The following LRRC40 variants were observed in gnomAD, a reference collection of about 807,000 sequenced individuals.
LRRC40 encodes the protein leucine-rich repeat-containing protein 40.
LRRC40 carries 76 observed loss-of-function variants against 72.8 expected under a neutral mutation model. The ratio of observed to expected loss-of-function variants is 1.04; its 90% CI spans 0.87 to 1.26. The LOEUF (loss-of-function observed/expected upper bound fraction) is 1.26, where lower values mean the gene tolerates loss of function less well. Among genes scored for constraint, LRRC40 ranks in the 50% most tolerant of loss-of-function variants. The pLI is 0.00. For missense variants in LRRC40, 684 were observed against 698.9 expected (o/e 0.98, Z 0.24); for synonymous variants, 243 against 254.2 (o/e 0.96, Z 0.42).
chr1:70,148,530 G>A lies in LRRC40; in HGVS notation c.1660C>T (p.Leu554Phe), dbSNP rs1379103284. ...CCGAGCTCTGGTGGAATTTGTAAGA[G>A]GTCATTATTTTGAAGGTCCAACGTG... ...LTTLDLQNNDLLQIPPELGNC... is the reference protein window; with the variant it reads ...LTTLDLQNNDFLQIPPELGNC... The change falls in exon 14 of 15, where the codon CTC becomes TTC. Residue 554 changes from leucine (L) to phenylalanine (F), a missense_variant. Leu to Phe is a conservative substitution (Grantham distance 22). Coordinates refer to ENST00000370952, the MANE Select transcript of LRRC40 (RefSeq NM_017768.5). The A allele has an allele frequency of 3.1e-6, 5 of 1,613,012 alleles. No individual in the cohort carries two copies. Among genetic ancestry groups the A allele is most frequent in the African/African-American group, 2.7e-5 (2 of 74,880 alleles).
chr1:70,168,780 C>T (rs35522955), intron 9 of LRRC40, among the ~76,000 whole-genome samples: 26,047 of 151,998 alleles, frequency 0.17, 2,473 homozygotes, highest in East Asian at 0.37. Flanking sequence ...GTCAGGGGCA[C>T]ATTATAATGG....
At chr1:70,151,733 A>G (rs482094) in intron 12 of LRRC40, 3 of 146,688 alleles carry the variant, frequency 2.0e-5, no homozygotes, top group Non-Finnish European at 4.5e-5. Context: ...CACAATGACT[A>G]TTTTTTTTTT....
Position 70,144,852 on chromosome 1 carries a change from C to CTT in LRRC40, c.*946_*947dup, listed in dbSNP as rs1471109552. On this transcript the variant is annotated 3_prime_UTR_variant, in exon 15 of 15. Coordinates refer to ENST00000370952, the MANE Select transcript of LRRC40 (RefSeq NM_017768.5). ...TTTATTCTGAACATGTAGTATTTAT[C>CTT]TTTATTAGCAATTTTTTTCATAATA... The CTT allele has an allele frequency of 6.6e-6, 1 of 152,058 alleles. No homozygotes were observed. Among genetic ancestry groups the CTT allele is most frequent in the Non-Finnish European group, 1.5e-5 (1 of 67,990 alleles). The allele number at this position is 152,058 out of a possible 1,614,324, so 9.4% of individuals were successfully genotyped here.
At chr1:70,196,095 G>A (rs1466377085) in intron 1 of LRRC40, among the ~76,000 whole-genome samples, 3 of 149,468 alleles carry the variant, frequency 2.0e-5, no homozygotes, top group Admixed American at 6.7e-5. Flanking sequence ...TAAGACCTAC[G>A]AAATGTTTCT....
At chr1:70,167,230 TAA>T (rs376215808) in intron 9 of LRRC40, among the ~76,000 whole-genome samples, 20 of 126,880 alleles carry the variant, frequency 1.6e-4, no homozygotes, top group Non-Finnish European at 1.6e-4. Flanking sequence ...TAAAAAGTGT[TAA>T]AAAAAAAAAA....
intron 1 of LRRC40, among the ~76,000 whole-genome samples, chr1:70,194,062 T>C (rs1171824748): frequency 6.6e-6 from 1 of 151,996 alleles, no homozygotes; most frequent in East Asian, 1.9e-4. Context: ...TTTAATATTT[T>C]AATAGAGGTC....
chr1:70,156,636 A>C (rs749927337), intron 10 of LRRC40, among the ~76,000 whole-genome samples: 2 of 152,118 alleles, frequency 1.3e-5, no homozygotes, highest in Non-Finnish European at 2.9e-5. Context: ...AGAGGACTGA[A>C]TCCTATATAG....
chr1:70,161,018 G>A (rs182237173), intron 9 of LRRC40, among the ~76,000 whole-genome samples: 187 of 151,710 alleles, frequency 1.2e-3, no homozygotes, highest in Non-Finnish European at 1.8e-3. Flanking sequence ...AGTTGTAATT[G>A]TACAAGTGAC....
Position 70,184,915 on chromosome 1 carries a change from C to T in LRRC40, c.408-1G>A, listed in dbSNP as rs780435997. The T allele has an allele frequency of 1.9e-6, 3 of 1,585,276 alleles. No homozygotes were observed. The South Asian group carries it at 3.4e-5, about 18-fold the overall frequency. ...AGGGAGTATTTTCAGTTTATTATGG[C>T]TATTGGTTGATAAAATAAATGATGA... On this transcript the variant is annotated splice_acceptor_variant, in intron 3 of 14. Coordinates refer to ENST00000370952, the MANE Select transcript of LRRC40 (RefSeq NM_017768.5). LOFTEE classifies it high-confidence loss of function.
chr1:70,157,962 G>A (rs1667675424), intron 10 of LRRC40, among the ~76,000 whole-genome samples: 1 of 151,618 alleles, frequency 6.6e-6, no homozygotes, highest in South Asian at 2.1e-4. Context: ...AAATTAGCTG[G>A]GCAGGATAGC....
chr1:70,162,586 T>G (rs975718473), intron 9 of LRRC40, among the ~76,000 whole-genome samples: 1 of 152,190 alleles, frequency 6.6e-6, no homozygotes, highest in African/African-American at 2.4e-5. Flanking sequence ...TGAAAGATGA[T>G]GAACATAAAT....
In LRRC40 at chr1:70,148,676, T is replaced by C; in HGVS notation, c.1518-4A>G. On this transcript the variant is annotated splice_region_variant and splice_polypyrimidine_tract_variant and intron_variant, in intron 13 of 14. Transcript: ENST00000370952. Reference sequence around the variant, plus strand: ...AACTTCAGGTAGCATTTTAAACCTATTAATACATGAACAGAACACCTAAAT... The same window carrying C: ...AACTTCAGGTAGCATTTTAAACCTACTAATACATGAACAGAACACCTAAAT... The C allele has an allele frequency of 6.3e-7, 1 of 1,584,264 alleles. No individual in the cohort carries two copies. The highest frequency in any genetic ancestry group is 8.6e-7 in the Non-Finnish European group (1 of 1,156,200).
chr1:70,164,713 A>T (rs559204848), intron 9 of LRRC40, among the ~76,000 whole-genome samples: 33 of 152,294 alleles, frequency 2.2e-4, no homozygotes, highest in South Asian at 2.1e-3. Context: ...TCTTTTTTTT[A>T]AATCTAAAAT....
intron 11 of LRRC40, 101 bp downstream of exon 11, chr1:70,155,588 T>C (rs1477263538): frequency 2.2e-6 from 1 of 464,098 alleles, no homozygotes; most frequent in Non-Finnish European, 3.7e-6. Flanking sequence ...TTACATATAG[T>C]TTTAAATTTA....
At chr1:70,147,143 A>G (rs1396585376) in intron 14 of LRRC40, 1 of 152,208 alleles carries the variant, frequency 6.6e-6, no homozygotes, top group African/African-American at 2.4e-5. Context: ...GGTCATTCAT[A>G]AACAGGCACA....
At chr1:70,205,201 G>A (rs919014476) in intron 1 of LRRC40, among the ~76,000 whole-genome samples, 189 bp downstream of exon 1, 2 of 152,184 alleles carry the variant, frequency 1.3e-5, no homozygotes, top group African/African-American at 4.8e-5. Flanking sequence ...GAGATTGCGG[G>A]AACCTGGGAA....
At chr1:70,165,810 T>C (rs1394516536) in intron 9 of LRRC40, among the ~76,000 whole-genome samples, 1 of 152,172 alleles carries the variant, frequency 6.6e-6, no homozygotes, top group Admixed American at 6.5e-5. Flanking sequence ...AATCCAGATT[T>C]AATTGGGCTA....
In LRRC40 at chr1:70,198,072, C is replaced by G. The variant is rs77084922; in HGVS notation, c.151+7318G>C. Among the ~76,000 whole-genome samples the G allele has an allele frequency of 3.6e-3, 554 of 152,218 alleles. 7 individuals carry two copies. The highest frequency in any genetic ancestry group is 0.013 in the African/African-American group (532 of 41,550). On this transcript the variant is annotated intron_variant, in intron 1 of 14. Transcript: ENST00000370952. ...CCACAGCACCTGACCCCGTGTCACA[C>G]TTTTTATTCTGTCCCAACAAACTAT...
intron 13 of LRRC40, among the ~76,000 whole-genome samples, chr1:70,149,946 A>G (rs1233291127): frequency 2.0e-5 from 3 of 152,058 alleles, no homozygotes; most frequent in African/African-American, 7.2e-5. Context: ...TTTGAGACAG[A>G]GTCTTGCTCT....
Sources: gnomAD v4.1 joint callset for allele counts (sites outside exome capture counted in the v4.1 genomes callset) on GRCh38, gnomAD v4.1.1 for gene constraint, MANE v1.5 for transcripts, NCBI Gene and HGNC (gene_info 2026-07-23, HGNC 2026-07-21) for gene names.